NT5DC3: variants seen among roughly 807,000 people sequenced by gnomAD.
NT5DC3 encodes 5'-nucleotidase domain-containing protein 3.
In NT5DC3, 42 loss-of-function variants were observed where a neutral mutation model predicts 67.8. The observed-to-expected ratio is 0.62, with a 90% CI of 0.48 to 0.80. The LOEUF (loss-of-function observed/expected upper bound fraction) is 0.80. NT5DC3 is among the 30% of genes least tolerant of loss of function. The pLI is 0.00. For missense variants in NT5DC3, 570 were observed against 696.4 expected, an observed-to-expected ratio of 0.82 and a Z score of 2.04; for synonymous variants, 237 against 255.6, an observed-to-expected ratio of 0.93 and a Z score of 0.69.
chr12:103,830,392 C>T (rs2139467841), intron 1 of NT5DC3, among the ~76,000 whole-genome samples: 1 of 152,262 alleles, frequency 6.6e-6, no homozygotes, highest in Non-Finnish European at 1.5e-5. Flanking sequence ...ATTTGCTTTG[C>T]ATTCTAAATC....
the NT5DC3 span, among the ~76,000 whole-genome samples, chr12:103,754,052 T>C: frequency 1.3e-5 from 2 of 152,288 alleles, no homozygotes; most frequent in Non-Finnish European, 2.9e-5. Flanking sequence ...GGTTTATCAC[T>C]GGGAGCAGAG....
downstream of NT5DC3, among the ~76,000 whole-genome samples, chr12:103,769,849 G>C (rs1250732789): frequency 6.6e-6 from 1 of 152,238 alleles, no homozygotes; most frequent in Non-Finnish European, 1.5e-5. Flanking sequence ...TTAATTGCTA[G>C]AATTACCTTA....
chr12:103,756,996 A>AATTATATAT, the NT5DC3 span, among the ~76,000 whole-genome samples: 1 of 56,382 alleles, frequency 1.8e-5, no homozygotes, highest in East Asian at 4.9e-4. Context: ...AAGGAGGGAA[A>AATTATATAT]ATATATATAT....
chr12:103,785,780 A>G (rs1566101015), intron 11 of NT5DC3: 1 of 442,324 alleles, frequency 2.3e-6, no homozygotes, highest in Admixed American at 3.3e-5. Flanking sequence ...AAAAAAAAAA[A>G]TGAGGTCAGG....
intron 1 of NT5DC3, among the ~76,000 whole-genome samples, chr12:103,827,569 G>T (rs1051949701): frequency 6.6e-6 from 1 of 152,110 alleles, no homozygotes; most frequent in African/African-American, 2.4e-5. Flanking sequence ...GCAGAGAGTT[G>T]CATCTCTACA....
intron 11 of NT5DC3, among the ~76,000 whole-genome samples, chr12:103,786,105 G>A (rs1885760042): frequency 6.6e-6 from 1 of 152,032 alleles, no homozygotes; most frequent in East Asian, 1.9e-4. Flanking sequence ...AAATACTGAG[G>A]ATAAAACAAT....
intron 6 of NT5DC3, among the ~76,000 whole-genome samples, chr12:103,796,571 G>A (rs1325637105): frequency 2.0e-5 from 3 of 152,174 alleles, no homozygotes; most frequent in Non-Finnish European, 4.4e-5. Context: ...TCATGGGTGA[G>A]TAGGTACAGG....
Position 103,777,790 on chromosome 12 carries a change from C to G in NT5DC3, c.*39G>C, listed in dbSNP as rs200509581. 2 of 1,579,010 alleles carry G rather than the reference C, an allele frequency of 1.3e-6. No individual in the cohort carries two copies. The highest frequency in any genetic ancestry group is 3.6e-5 in the Admixed American group (2 of 54,970). ...TGAAGTCAACCCCATCATGCCTGCC[C>G]AATCAGGGGCAGTTACAGTTTCTAG... On this transcript the variant is annotated 3_prime_UTR_variant, in exon 14 of 14. Transcript: ENST00000392876.
At chr12:103,827,891 T>A (rs1887760811) in intron 1 of NT5DC3, among the ~76,000 whole-genome samples, 1 of 152,206 alleles carries the variant, frequency 6.6e-6, no homozygotes, top group South Asian at 2.1e-4. Flanking sequence ...TAAAATTACA[T>A]CATGTCAATA....
rs1460319368 is a variant in NT5DC3, at chr12:103,777,851, A to C, written c.1625T>G (p.Leu542Arg). Reference sequence around the variant, plus strand: ...TGGCTACTTGGCCTGGGCCTCCTGCAGGAGAGGGGTTCCGAAGGTGGGGGG... The same window carrying C: ...TGGCTACTTGGCCTGGGCCTCCTGCCGGAGAGGGGTTCCGAAGGTGGGGGG... The part of the protein sequence containing the change: ...ERPPTFGTPL[L>R]QEAQAK Residue 542 changes from leucine (L) to arginine (R), a missense_variant, in exon 14 of 14, where the codon CTG (leucine) becomes CGG (arginine). Physicochemically the swap from Leu to Arg is moderately radical, Grantham distance 102. Around this residue, in one of 2 missense-constraint regions of NT5DC3, gnomAD observed 466 missense variants for 608.0 expected, o/e 0.77. Coordinates refer to ENST00000392876, the MANE Select transcript of NT5DC3 (RefSeq NM_001031701.3). 1.2e-6 allele frequency: 2 copies of C among 1,613,386 alleles called. No homozygotes were observed. The highest frequency in any genetic ancestry group is 4.5e-5 in the East Asian group (2 of 44,874).
intron 1 of NT5DC3, among the ~76,000 whole-genome samples, chr12:103,838,352 G>A (rs1262030338): frequency 1.3e-5 from 2 of 152,282 alleles, no homozygotes; most frequent in African/African-American, 4.8e-5. Flanking sequence ...TGTCCTAAAT[G>A]CCTTTCATGG....
At chr12:103,792,517 G>T (rs914180633) in intron 9 of NT5DC3, among the ~76,000 whole-genome samples, 1 of 152,150 alleles carries the variant, frequency 6.6e-6, no homozygotes, top group African/African-American at 2.4e-5. Flanking sequence ...TCAACACTGT[G>T]GGAATTTGTG....
chr12:103,816,404 GT>G (rs1195018893), intron 1 of NT5DC3, among the ~76,000 whole-genome samples: 2 of 152,114 alleles, frequency 1.3e-5, no homozygotes, highest in Non-Finnish European at 2.9e-5. Context: ...ACACATTTAA[GT>G]TTTTTCCTAT....
At chr12:103,796,853 G>A in intron 6 of NT5DC3, 41 bp downstream of exon 6, 1 of 1,611,378 alleles carries the variant, frequency 6.2e-7, no homozygotes. Context: ...TGAAAAGGCT[G>A]AAACAGACTC....
chr12:103,746,485 G>T, the NT5DC3 span: 1 of 914,380 alleles, frequency 1.1e-6, no homozygotes, highest in Non-Finnish European at 1.8e-6. Flanking sequence ...TGCTGTACAG[G>T]GGCACTTATG....
intron 3 of NT5DC3, 120 bp from the exon 4 acceptor site, chr12:103,806,497 C>A: frequency 1.4e-6 from 1 of 705,070 alleles, no homozygotes; most frequent in Non-Finnish European, 2.5e-6. Context: ...AGGAAGCACA[C>A]TGTATATTCC....
At chr12:103,764,173 G>C in the NT5DC3 span, among the ~76,000 whole-genome samples, 23 of 152,146 alleles carry the variant, frequency 1.5e-4, no homozygotes, top group Admixed American at 2.0e-4. Context: ...GGCTGGTCTC[G>C]AACTCCCAAC....
chr12:103,818,366 G>C (rs1319976441), intron 1 of NT5DC3, among the ~76,000 whole-genome samples: 1 of 150,796 alleles, frequency 6.6e-6, no homozygotes, highest in Non-Finnish European at 1.5e-5. Flanking sequence ...AAATCAATGA[G>C]ATAACGACCA....
chr12:103,756,048 A>G, the NT5DC3 span, among the ~76,000 whole-genome samples: 1 of 152,134 alleles, frequency 6.6e-6, no homozygotes, highest in Non-Finnish European at 1.5e-5. Context: ...TGTTCTTGTG[A>G]GCTGGTATTA....
Sources: allele counts gnomAD v4.1 joint callset (sites outside exome capture counted in the v4.1 genomes callset), GRCh38; gene constraint gnomAD v4.1.1; regional missense constraint gnomAD v4.1.1; transcripts MANE v1.5; gene names NCBI Gene and HGNC (gene_info 2026-07-23, HGNC 2026-07-21).